The following MCCC1 variants were observed in gnomAD, a reference collection of about 807,000 sequenced individuals.
The protein encoded by MCCC1 is methylcrotonyl-CoA carboxylase subunit 1, also known as methylcrotonoyl-CoA carboxylase subunit alpha, mitochondrial.
In MCCC1, 64 loss-of-function variants were observed where a neutral mutation model predicts 83.8. That is an observed-to-expected ratio of 0.76 (90% confidence interval 0.62 to 0.94). The LOEUF is 0.94. MCCC1 is among the 40% of genes least tolerant of loss of function. The probability of loss-of-function intolerance (pLI) is 0.00; values close to 1 mark genes in which losing one functional copy is unlikely to be tolerated. For synonymous variants in MCCC1, 322 were observed against 315.4 expected (o/e 1.02, Z -0.22); for missense variants, 807 against 904.7 (o/e 0.89, Z 1.39).
intron 13 of MCCC1, among the ~76,000 whole-genome samples, chr3:183,034,368 G>T (rs537952629): frequency 6.7e-6 from 1 of 149,814 alleles, no homozygotes; most frequent in African/African-American, 2.5e-5. Flanking sequence ...GGAGAATGGC[G>T]TGAATCCGGG....
chr3:183,045,237 G>A (rs1177503770), intron 10 of MCCC1, among the ~76,000 whole-genome samples, 176 bp downstream of exon 10: 1 of 151,842 alleles, frequency 6.6e-6, no homozygotes. Context: ...CCGGCACCAC[G>A]CCCGGCTAAT....
intron 10 of MCCC1, among the ~76,000 whole-genome samples, chr3:183,044,765 C>A (rs1714404281): frequency 1.3e-5 from 2 of 151,966 alleles, no homozygotes. Context: ...CCCTAAAGTG[C>A]CAAAAAAAGC....
chr3:183,035,363 T>C (rs1713482487), intron 13 of MCCC1, among the ~76,000 whole-genome samples: 1 of 152,190 alleles, frequency 6.6e-6, no homozygotes, highest in East Asian at 1.9e-4. Flanking sequence ...ACATTTTACA[T>C]TTTAAGCTTT....
chr3:183,113,454 T>C (rs1262115974), intron 1 of MCCC1, among the ~76,000 whole-genome samples: 1 of 150,910 alleles, frequency 6.6e-6, no homozygotes, highest in Admixed American at 6.6e-5. Context: ...TTAGGAGATA[T>C]ACCTAATGTA....
chr3:183,092,903 T>C (rs1718472173), intron 2 of MCCC1, among the ~76,000 whole-genome samples: 2 of 152,218 alleles, frequency 1.3e-5, no homozygotes, highest in Non-Finnish European at 2.9e-5. Context: ...ACTTATTTAT[T>C]TATTTTTGAG....
chr3:183,107,789 A>T (rs1355613290), intron 1 of MCCC1, among the ~76,000 whole-genome samples: 5 of 151,944 alleles, frequency 3.3e-5, no homozygotes, highest in African/African-American at 4.8e-5. Flanking sequence ...ACCTCAAGTG[A>T]TCCGCCCGCC....
chr3:183,078,871 C>T (rs111584137), intron 4 of MCCC1, among the ~76,000 whole-genome samples: 1,679 of 152,268 alleles, frequency 0.011, 16 homozygotes, highest in Middle Eastern at 0.024. Context: ...GCAATCATGG[C>T]GGAAGGCAGG....
rs781302711 is a variant in MCCC1, at chr3:183,041,613, A to C, written c.1221T>G (p.Thr407=). The C allele has an allele frequency of 2.7e-5, 44 of 1,614,012 alleles. No individual in the cohort carries two copies. Among genetic ancestry groups the C allele is most frequent in the Non-Finnish European group, 3.4e-5 (40 of 1,180,016 alleles). The change falls in exon 11 of 19, where the codon ACT becomes ACG. Residue 407 remains threonine, a synonymous_variant. Coordinates refer to ENST00000265594, the MANE Select transcript of MCCC1 (RefSeq NM_020166.5). The part of the protein sequence containing the change: ...PVAGPLVHLS[T]PRADPSTRIE... ...TCCTGGTGGAAGGGTCTGCTCGAGG[A>C]GTAGAGAGGTGCACTAATGGGCCTG... is the stretch of plus-strand genomic sequence containing the variant.
intron 12 of MCCC1, among the ~76,000 whole-genome samples, chr3:183,037,828 TGCAAACA>T (rs1713753599): frequency 6.6e-6 from 1 of 152,226 alleles, no homozygotes; most frequent in Non-Finnish European, 1.5e-5. Context: ...ATAGGAAGAC[TGCAAACA>T]GCAAGCTGGA....
intron 17 of MCCC1, chr3:183,017,676 C>A (rs1711772313): frequency 3.1e-6 from 1 of 322,044 alleles, no homozygotes; most frequent in Admixed American, 4.6e-5. Context: ...CAGAGGCCTA[C>A]AGGTCAAATG....
chr3:183,041,748 A>C lies in MCCC1; in HGVS notation c.1086T>G (p.Ile362Met). ...GTDLVEWQLR[I>M]AAGEKIPLSQ... is the part of the protein sequence containing the mutation. Reference sequence around the variant, plus strand: ...TCAAAGGAATCTTCTCTCCTGCTGCAATCTGGCAATAGAATAGTGTTTCTT... The same window carrying C: ...TCAAAGGAATCTTCTCTCCTGCTGCCATCTGGCAATAGAATAGTGTTTCTT... Residue 362 changes from isoleucine to methionine, a missense_variant and splice_region_variant, in exon 11 of 19, where the codon ATT (isoleucine) becomes ATG (methionine). Coordinates refer to ENST00000265594, the MANE Select transcript of MCCC1 (RefSeq NM_020166.5). The C allele has an allele frequency of 6.2e-7, 1 of 1,614,216 alleles. No individual in the cohort carries two copies. Among genetic ancestry groups the C allele is most frequent in the Non-Finnish European group, 8.5e-7 (1 of 1,180,028 alleles).
chr3:183,034,738 C>T (rs766686125), intron 13 of MCCC1, among the ~76,000 whole-genome samples: 2 of 150,162 alleles, frequency 1.3e-5, no homozygotes, highest in African/African-American at 4.9e-5. Flanking sequence ...CTCTTTTACT[C>T]TTTTATGTTT....
At chr3:183,085,264 G>C (rs972814557) in intron 4 of MCCC1, among the ~76,000 whole-genome samples, 1 of 151,952 alleles carries the variant, frequency 6.6e-6, no homozygotes. Flanking sequence ...TCCCCACCCA[G>C]AAGCCACAGC....
Position 183,086,730 on chromosome 3 carries a change from T to C in MCCC1, c.332A>G (p.Glu111Gly), listed in dbSNP as rs1717918101. 2 of 1,614,120 alleles carry C rather than the reference T, an allele frequency of 1.2e-6. No individual in the cohort carries two copies. The highest frequency in any genetic ancestry group is 1.7e-5 in the Admixed American group (1 of 60,010). Residue 111 changes from glutamate (E) to glycine (G), a missense_variant, in exon 4 of 19, where the codon GAG becomes GGG. Glu to Gly is a moderately conservative substitution (Grantham distance 98). Coordinates refer to ENST00000265594, the MANE Select transcript of MCCC1 (RefSeq NM_020166.5). Reference sequence around the variant, plus strand: ...GGTCTTGGCCACTTGAATGATTTTCTCCATAGATAGGTAGCTCTGCTGGGA... The same window carrying C: ...GGTCTTGGCCACTTGAATGATTTTCCCCATAGATAGGTAGCTCTGCTGGGA... ...APSQQSYLSM[E>G]KIIQVAKTSA... is the part of the protein sequence containing the mutation.
chr3:183,087,355 G>A (rs1560274452), intron 3 of MCCC1, among the ~76,000 whole-genome samples: 1 of 152,138 alleles, frequency 6.6e-6, no homozygotes, highest in Non-Finnish European at 1.5e-5. Context: ...GGCCTACTAC[G>A]TGCCACACTT....
intron 10 of MCCC1, among the ~76,000 whole-genome samples, chr3:183,043,342 C>T (rs1714272813): frequency 6.6e-6 from 1 of 152,234 alleles, no homozygotes; most frequent in Non-Finnish European, 1.5e-5. Context: ...GCTTGGCTTC[C>T]ACTTGAGCCC....
chr3:183,088,126 A>T (rs1444109724), intron 3 of MCCC1, among the ~76,000 whole-genome samples: 1 of 151,684 alleles, frequency 6.6e-6, no homozygotes, highest in Non-Finnish European at 1.5e-5. Context: ...GGCCTGTGAG[A>T]GGTTAAAAAG....
Position 183,015,436 on chromosome 3 carries a change from G to A in MCCC1, c.*2C>T, listed in dbSNP as rs1346340686. The A allele has an allele frequency of 1.9e-6, 3 of 1,614,046 alleles. No individual in the cohort carries two copies. The highest frequency in any genetic ancestry group is 2.7e-5 in the African/African-American group (2 of 74,926). On this transcript the variant is annotated 3_prime_UTR_variant, in exon 19 of 19. Transcript: ENST00000265594. ...CTTAACTGGCCATTTCCTTGCTGGA[G>A]TTTATTCCGATTCCCTTTTGTCTGA...
chr3:183,032,383 G>T (rs1448299731), intron 14 of MCCC1, among the ~76,000 whole-genome samples: 1 of 152,192 alleles, frequency 6.6e-6, no homozygotes, highest in African/African-American at 2.4e-5. Flanking sequence ...TTCCAGATTT[G>T]GGGGGTTGTA....
Sources: allele counts gnomAD v4.1 joint callset (sites outside exome capture counted in the v4.1 genomes callset), GRCh38; gene constraint gnomAD v4.1.1; transcripts MANE v1.5; gene names NCBI Gene and HGNC (gene_info 2026-07-23, HGNC 2026-07-21).